The following PCSK5 variants were observed in gnomAD, a reference collection of about 807,000 sequenced individuals.
The protein encoded by PCSK5 is prohormone convertase 5.
In PCSK5, 129 loss-of-function variants were observed where a neutral mutation model predicts 233.2. The observed-to-expected ratio is 0.55, with a 90% CI of 0.48 to 0.64. The LOEUF (loss-of-function observed/expected upper bound fraction) is 0.64. Among genes scored for constraint, PCSK5 ranks in the 30% least tolerant of loss-of-function variants. PCSK5 has a pLI of 0.00. For missense variants in PCSK5, 2,076 were observed against 2,430.1 expected (o/e 0.85, Z 3.06); for synonymous variants, 825 against 879.2 (o/e 0.94, Z 1.09).
intron 5 of PCSK5, among the ~76,000 whole-genome samples, chr9:76,037,782 G>A (rs981139289): frequency 3.3e-5 from 5 of 152,094 alleles, no homozygotes; most frequent in Non-Finnish European, 5.9e-5. Flanking sequence ...GGGAATTGTG[G>A]TGAATTTTCT....
chr9:76,043,166 G>C (rs1829199358), intron 5 of PCSK5, among the ~76,000 whole-genome samples: 1 of 140,872 alleles, frequency 7.1e-6, no homozygotes, highest in South Asian at 2.3e-4. Context: ...CTAACACGGT[G>C]AAACCCCGTC....
intron 3 of PCSK5, 151 bp downstream of exon 3, chr9:75,986,396 A>G (rs1178739818): frequency 2.0e-5 from 11 of 548,410 alleles, no homozygotes; most frequent in Non-Finnish European, 3.3e-5. Context: ...TTAATGGCCT[A>G]TGATGCTGTC....
chr9:76,144,685 C>G lies in PCSK5; in HGVS notation c.1312+10473C>G, dbSNP rs181670707. 8.7e-4 allele frequency among the ~76,000 whole-genome samples: 132 copies of G among 152,302 alleles called. 1 individual carries two copies. The highest frequency in any genetic ancestry group is 2.9e-3 in the African/African-American group (119 of 41,572). ...AATTCTGTTGTGATTTCTTCCAGAG[C>G]TAACAAAGGCACAGGTATCTTTTAA... On this transcript the variant is annotated intron_variant, in intron 10 of 37. Transcript: ENST00000674117.
chr9:75,977,336 A>G (rs775979257), intron 2 of PCSK5, among the ~76,000 whole-genome samples: 2 of 151,652 alleles, frequency 1.3e-5, no homozygotes, highest in African/African-American at 2.4e-5. Context: ...TCACCTTGGT[A>G]TTAAATCCAG....
chr9:76,185,067 C>T (rs895818048), intron 17 of PCSK5, among the ~76,000 whole-genome samples: 5 of 152,202 alleles, frequency 3.3e-5, no homozygotes, highest in African/African-American at 1.2e-4. Context: ...TTGTGCCAGT[C>T]AAGGATTACT....
At chr9:76,351,180 G>A (rs893697800) in intron 36 of PCSK5, among the ~76,000 whole-genome samples, 8 of 151,974 alleles carry the variant, frequency 5.3e-5, no homozygotes, top group African/African-American at 1.9e-4. Flanking sequence ...TGAGGGCCTC[G>A]GAATGAATTC....
intron 2 of PCSK5, among the ~76,000 whole-genome samples, chr9:75,952,096 C>T (rs1054121051): frequency 3.3e-5 from 5 of 152,108 alleles, no homozygotes; most frequent in South Asian, 2.1e-4. Context: ...TGCACCTATC[C>T]GTCTTTATCC....
At chr9:76,232,539 T>C (rs1039457740) in intron 21 of PCSK5, among the ~76,000 whole-genome samples, 1 of 152,078 alleles carries the variant, frequency 6.6e-6, no homozygotes, top group Non-Finnish European at 1.5e-5. Flanking sequence ...GAAATGAAAA[T>C]TCTCAGCTGC....
At chr9:76,217,266 A>G (rs1223380520) in intron 20 of PCSK5, among the ~76,000 whole-genome samples, 2 of 152,228 alleles carry the variant, frequency 1.3e-5, no homozygotes, top group African/African-American at 4.8e-5. Context: ...GAGATTAAGT[A>G]CATTATTCAA....
At chr9:76,027,477 T>C (rs1828477992) in intron 5 of PCSK5, among the ~76,000 whole-genome samples, 1 of 152,200 alleles carries the variant, frequency 6.6e-6, no homozygotes, top group Non-Finnish European at 1.5e-5. Context: ...CTCTCCTCTG[T>C]AGTTATTGTG....
intron 5 of PCSK5, among the ~76,000 whole-genome samples, chr9:76,066,756 C>A (rs1293518348): frequency 6.6e-6 from 1 of 152,144 alleles, no homozygotes; most frequent in Non-Finnish European, 1.5e-5. Flanking sequence ...GTGTACCTAT[C>A]AGTTGTAAGC....
chr9:76,008,171 C>G (rs1171831368), intron 3 of PCSK5, among the ~76,000 whole-genome samples: 1 of 152,128 alleles, frequency 6.6e-6, no homozygotes, highest in African/African-American at 2.4e-5. Context: ...TCTGCTGTCT[C>G]TATCTGACTT....
At position 76,160,165 on chromosome 9, in the gene PCSK5, G is replaced by A. The variant is rs142994130; in HGVS notation, c.1619+994G>A. Among the ~76,000 whole-genome samples, 204 of 152,214 alleles carry A rather than the reference G, an allele frequency of 1.3e-3. 5 individuals carry two copies. In the East Asian group the frequency reaches 0.037, roughly 28 times the overall value. ...CCCTAGAGGGTATTCAGTTTCGCTT[G>A]TTAGCCTCTCCTCCCTGCTTCCTCC... On this transcript the variant is annotated intron_variant, in intron 12 of 37. Coordinates refer to ENST00000674117, the MANE Select transcript of PCSK5 (RefSeq NM_001372043.1).
intron 10 of PCSK5, among the ~76,000 whole-genome samples, chr9:76,153,960 A>G (rs1186460263): frequency 2.6e-5 from 4 of 152,216 alleles, no homozygotes; most frequent in South Asian, 2.1e-4. Context: ...AAAAACGTCA[A>G]TGTTTCTCTC....
At chr9:76,179,301 T>C (rs2131211017) in intron 14 of PCSK5, among the ~76,000 whole-genome samples, 1 of 152,340 alleles carries the variant, frequency 6.6e-6, no homozygotes, top group Non-Finnish European at 1.5e-5. Context: ...TACAGTTCAT[T>C]TGAATTCTCA....
At chr9:75,969,884 T>C (rs1337353275) in intron 2 of PCSK5, among the ~76,000 whole-genome samples, 1 of 151,650 alleles carries the variant, frequency 6.6e-6, no homozygotes, top group Non-Finnish European at 1.5e-5. Flanking sequence ...TTTTTTTTTT[T>C]TTTTTCTGAG....
chr9:76,132,262 A>C (rs1822788446), intron 9 of PCSK5, among the ~76,000 whole-genome samples: 1 of 152,194 alleles, frequency 6.6e-6, no homozygotes, highest in African/African-American at 2.4e-5. Flanking sequence ...TAGAAGCAAA[A>C]CATCCTGCTC....
At chr9:76,283,067 T>C (rs1187686227) in intron 24 of PCSK5, among the ~76,000 whole-genome samples, 2 of 152,210 alleles carry the variant, frequency 1.3e-5, no homozygotes, top group African/African-American at 4.8e-5. Flanking sequence ...AATTGGTTCT[T>C]ATGGTTGAGC....
chr9:75,974,017 C>T (rs1274983632), intron 2 of PCSK5, among the ~76,000 whole-genome samples: 1 of 152,178 alleles, frequency 6.6e-6, no homozygotes, highest in Admixed American at 6.5e-5. Context: ...ATTCGCTGCT[C>T]CTGGGTCTTC....
Sources: allele counts gnomAD v4.1 joint callset (sites outside exome capture counted in the v4.1 genomes callset), GRCh38; gene constraint gnomAD v4.1.1; transcripts MANE v1.5; gene names NCBI Gene and HGNC (gene_info 2026-07-23, HGNC 2026-07-21).